The following HUWE1 variants were observed in gnomAD, a reference collection of about 807,000 sequenced individuals.
HUWE1 encodes the protein HECT, UBA and WWE domain containing E3 ubiquitin protein ligase 1, also known as E3 ubiquitin-protein ligase HUWE1.
Under a neutral mutation model 299.4 loss-of-function variants are expected in HUWE1, and 18 were observed. That is an observed-to-expected ratio of 0.06 (90% confidence interval 0.04 to 0.09). HUWE1 has a LOEUF of 0.09. Among genes scored for constraint, HUWE1 ranks in the 10% least tolerant of loss-of-function variants. HUWE1 has a pLI of 1.00. For missense variants in HUWE1, 1,832 were observed against 3,462.3 expected, an observed-to-expected ratio of 0.53 and a Z score of 11.82; for synonymous variants, 1,317 against 1,286.1, an observed-to-expected ratio of 1.02 and a Z score of -0.51.
At chrX:53,636,033 T>C (rs2067190316) in intron 7 of HUWE1, among the ~76,000 whole-genome samples, 1 of 112,797 alleles carries the variant, frequency 8.9e-6, no homozygotes, top group South Asian at 3.7e-4. Context: ...TGAATGATCA[T>C]TTTATTCTCC....
intron 41 of HUWE1, 70 bp downstream of exon 41, chrX:53,584,114 TCA>T: frequency 2.0e-6 from 2 of 1,004,277 alleles, no homozygotes; most frequent in Non-Finnish European, 2.8e-6. Flanking sequence ...TGAAAATAAC[TCA>T]CAATGAAATT....
intron 43 of HUWE1, 146 bp from the exon 44 acceptor site, chrX:53,577,213 TA>T (rs2148036776): frequency 2.0e-6 from 1 of 497,146 alleles, no homozygotes; most frequent in East Asian, 3.6e-5. Context: ...TACTCTACTA[TA>T]AAACCTGGTT....
chrX:53,572,597 T>C (rs146412600), intron 47 of HUWE1, among the ~76,000 whole-genome samples: 68 of 111,858 alleles, frequency 6.1e-4, no homozygotes, highest in African/African-American at 1.9e-3. Context: ...ATTTTACATA[T>C]GCGGGAACAT....
chrX:53,589,439 C>T, intron 36 of HUWE1, 108 bp downstream of exon 36: 3 of 715,586 alleles, frequency 4.2e-6, no homozygotes, highest in South Asian at 4.3e-5. Context: ...AGAGAATATA[C>T]CCATATCAGG....
chrX:53,643,819 T>C (rs1390883366), intron 7 of HUWE1, among the ~76,000 whole-genome samples: 1 of 111,945 alleles, frequency 8.9e-6, no homozygotes, highest in Non-Finnish European at 1.9e-5. Context: ...GTAACAAATA[T>C]TCTCTTTTCT....
chrX:53,561,682 C>G (rs919775154), intron 55 of HUWE1, 74 bp downstream of exon 55: 35 of 1,198,716 alleles, frequency 2.9e-5, no homozygotes, highest in Non-Finnish European at 6.7e-6. Flanking sequence ...TCGGTTTGGT[C>G]CACTGCTTGG....
chrX:53,671,250 A>G (rs2069512775), intron 3 of HUWE1, among the ~76,000 whole-genome samples: 2 of 111,771 alleles, frequency 1.8e-5, no homozygotes, highest in Middle Eastern at 4.6e-3. Flanking sequence ...ATGTAACCAA[A>G]TATCACCTGT....
intron 35 of HUWE1, among the ~76,000 whole-genome samples, 174 bp downstream of exon 35, chrX:53,590,230 A>C (rs782318050): frequency 1.8e-5 from 2 of 112,437 alleles, no homozygotes; most frequent in South Asian, 3.7e-4. Context: ...TTAAAGCTTC[A>C]GGTCAATACA....
intron 47 of HUWE1, among the ~76,000 whole-genome samples, chrX:53,571,343 G>A (rs782361549): frequency 2.8e-4 from 31 of 112,691 alleles, no homozygotes; most frequent in Admixed American, 5.6e-4. Flanking sequence ...TAGGTGTGAT[G>A]GCTCATGCCT....
intron 83 of HUWE1, 64 bp downstream of exon 83, chrX:53,533,943 G>A: frequency 9.3e-7 from 1 of 1,078,311 alleles, no homozygotes; most frequent in Non-Finnish European, 1.3e-6. Flanking sequence ...GTAGGGTCCT[G>A]AAAACATCAA....
chrX:53,547,728 G>C lies in HUWE1; in HGVS notation c.10581C>G (p.Val3527=). 1 of 1,206,835 alleles carries C rather than the reference G, an allele frequency of 8.3e-7. No homozygotes were observed. Among genetic ancestry groups the C allele is most frequent in the Non-Finnish European group, 1.1e-6 (1 of 892,476 alleles). Residue 3527 remains valine, a synonymous_variant, in exon 68 of 84, where the codon GTC becomes GTG. Coordinates refer to ENST00000262854, the MANE Select transcript of HUWE1 (RefSeq NM_031407.7). ...LVAATAISTI[V]VAASTTVTTP... is the part of the protein sequence containing the mutation. Reference sequence around the variant, plus strand: ...TAGTCACTGTGGTCGAAGCAGCTACGACAATGGTGGAAATAGCCGTGGCAG... The same window carrying C: ...TAGTCACTGTGGTCGAAGCAGCTACCACAATGGTGGAAATAGCCGTGGCAG...
At chrX:53,609,055 A>C (rs1374192921) in intron 23 of HUWE1, 146 bp from the exon 24 acceptor site, 8 of 477,994 alleles carry the variant, frequency 1.7e-5, no homozygotes, top group Non-Finnish European at 3.0e-5. Context: ...TCTTGCTGTC[A>C]CCCAGGCTGG....
intron 45 of HUWE1, 61 bp downstream of exon 45, chrX:53,575,582 T>C (rs1159578051): frequency 9.1e-7 from 1 of 1,094,451 alleles, no homozygotes; most frequent in East Asian, 3.0e-5. Context: ...CCCTAAATAC[T>C]GAGACCACAC....
intron 47 of HUWE1, 131 bp from the exon 48 acceptor site, chrX:53,569,958 T>C (rs1377053743): frequency 1.7e-6 from 1 of 594,430 alleles, no homozygotes; most frequent in South Asian, 2.6e-5. Flanking sequence ...GTCCACTTTA[T>C]AGATGAAGAA....
Position 53,534,164 on chromosome X carries a change from C to A in HUWE1, c.12865G>T (p.Asp4289Tyr). The change falls in exon 83 of 84, where the codon GAT (aspartate) becomes TAT (tyrosine). Residue 4289 changes from aspartate to tyrosine, a missense_variant. Around this residue, in one of 15 missense-constraint regions of HUWE1, gnomAD observed 129 missense variants for 439.4 expected, o/e 0.29. Transcript: ENST00000262854. ...QWFWRALRSF[D>Y]QADRAKFLQF... ...AGGAACTTGGCACGGTCAGCTTGATCGAAAGAACGCAATGCTCTCCAGAAC... is the reference window on the plus strand; with the variant it reads ...AGGAACTTGGCACGGTCAGCTTGATAGAAAGAACGCAATGCTCTCCAGAAC... 8.3e-7 allele frequency: 1 copy of A among 1,210,155 alleles called. No individual in the cohort carries two copies. The highest frequency in any genetic ancestry group is 1.8e-5 in the South Asian group (1 of 56,897).
At chrX:53,565,557 A>C (rs1425684565) in intron 49 of HUWE1, among the ~76,000 whole-genome samples, 1 of 106,863 alleles carries the variant, frequency 9.4e-6, no homozygotes, top group Non-Finnish European at 2.0e-5. Flanking sequence ...GGATGTACTC[A>C]GGATTTTTTT....
chrX:53,542,915 A>C, intron 73 of HUWE1: 1 of 154,906 alleles, frequency 6.5e-6, no homozygotes, highest in South Asian at 1.9e-4. Context: ...GATGGGTGGA[A>C]GGTAGGTCTG....
intron 17 of HUWE1, 62 bp from the exon 18 acceptor site, chrX:53,625,320 C>CACATAA: frequency 2.7e-6 from 2 of 745,388 alleles, no homozygotes; most frequent in East Asian, 3.2e-5. Context: ...AATGATCAAG[C>CACATAA]ACATAAAACA....
At position 53,575,689 on chromosome X, in the gene HUWE1, G is replaced by A. The variant is rs916882897; in HGVS notation, c.5984C>T (p.Thr1995Met). Residue 1995 changes from threonine to methionine, a missense_variant, in exon 45 of 84, where the codon ACG becomes ATG. Coordinates refer to ENST00000262854, the MANE Select transcript of HUWE1 (RefSeq NM_031407.7). ...CGTATCAAAGTCACTGCTCTGACGCGTAAGTGACCGGTACTGCTGGTATAC... is the reference window on the plus strand; with the variant it reads ...CGTATCAAAGTCACTGCTCTGACGCATAAGTGACCGGTACTGCTGGTATAC... ...DDVYQQYRSL[T>M]RQSSDFDTQS... 10 of 1,209,528 alleles carry A rather than the reference G, an allele frequency of 8.3e-6. No individual in the cohort carries two copies. Among genetic ancestry groups the A allele is most frequent in the Admixed American group, 6.5e-5 (3 of 45,925 alleles).
Sources: gnomAD v4.1 joint callset for allele counts (sites outside exome capture counted in the v4.1 genomes callset) on GRCh38, gnomAD v4.1.1 for gene constraint, gnomAD v4.1.1 regional missense constraint, MANE v1.5 for transcripts, NCBI Gene and HGNC (gene_info 2026-07-23, HGNC 2026-07-21) for gene names.